The following SH3BGR variants were observed in gnomAD, a reference collection of about 807,000 sequenced individuals.
The protein encoded by SH3BGR is SH3 domain-binding glutamic acid-rich protein.
A neutral mutation model predicts 24.5 loss-of-function variants in SH3BGR; 29 were observed. That is an observed-to-expected ratio of 1.18 (90% CI 0.88 to 1.61). The LOEUF (loss-of-function observed/expected upper bound fraction) is 1.61, where lower values mean the gene tolerates loss of function less well. Ranked by LOEUF, SH3BGR falls within the 40% of genes most tolerant of loss-of-function variation. The pLI is 0.00. For missense variants in SH3BGR, 162 were observed against 205.8 expected (o/e 0.79, Z 1.30); for synonymous variants, 55 against 65.7 (o/e 0.84, Z 0.79).
At chr21:39,464,287 G>C (rs2077804217) in intron 2 of SH3BGR, among the ~76,000 whole-genome samples, 1 of 151,994 alleles carries the variant, frequency 6.6e-6, no homozygotes, top group Admixed American at 6.6e-5. Flanking sequence ...CAGCAGTGCA[G>C]TATCAGCTCA....
chr21:39,458,360 AC>A, intron 1 of SH3BGR, among the ~76,000 whole-genome samples: 2 of 152,142 alleles, frequency 1.3e-5, no homozygotes, highest in East Asian at 3.9e-4. Context: ...AAAATTTGAG[AC>A]AGAGTCTTGC....
At chr21:39,476,116 G>T (rs1015799329) in intron 3 of SH3BGR, among the ~76,000 whole-genome samples, 2 of 152,194 alleles carry the variant, frequency 1.3e-5, no homozygotes, top group African/African-American at 2.4e-5. Flanking sequence ...AGACCAGAGT[G>T]GGGGTGGAGG....
In SH3BGR at chr21:39,515,164, G is replaced by A. The variant is rs767014097; in HGVS notation, c.*111G>A. The A allele has an allele frequency of 3.2e-5, 15 of 468,508 alleles. No individual in the cohort carries two copies. The highest frequency in any genetic ancestry group is 2.1e-4 in the East Asian group (3 of 14,328). The allele number at this position is 468,508 out of a possible 1,614,324, so 29.0% of individuals were successfully genotyped here. On this transcript the variant is annotated 3_prime_UTR_variant, in exon 7 of 7. Coordinates refer to ENST00000333634, the MANE Select transcript of SH3BGR (RefSeq NM_007341.3). The stretch of plus-strand genomic sequence containing the variant: ...CAACAGAATACTTTGGCTTGAAGCC[G>A]GCACACCCAGGGTTACTGAGGACTT...
intron 3 of SH3BGR, among the ~76,000 whole-genome samples, chr21:39,479,213 G>A (rs1602114366): frequency 1.3e-5 from 2 of 151,852 alleles, no homozygotes; most frequent in East Asian, 1.9e-4. Flanking sequence ...TGGTGGTGGT[G>A]GAGGTGGTAA....
rs373330155 is a variant in SH3BGR, at chr21:39,481,280, C to T, written c.312+6065C>T. Among the ~76,000 whole-genome samples, 225 of 152,214 alleles carry T rather than the reference C, an allele frequency of 1.5e-3. 1 individual carries two copies. Among genetic ancestry groups the T allele is most frequent in the African/African-American group, 5.3e-3 (220 of 41,532 alleles). ...AGGCATTTGTGACCTGCCTGGGCAA[C>T]ATAGTGAGACCCTGTTCTCAAAAAC... On this transcript the variant is annotated intron_variant, in intron 3 of 6. Coordinates refer to ENST00000333634, the MANE Select transcript of SH3BGR (RefSeq NM_007341.3).
chr21:39,462,057 C>T (rs528415325), intron 1 of SH3BGR, among the ~76,000 whole-genome samples: 1 of 152,088 alleles, frequency 6.6e-6, no homozygotes, highest in African/African-American at 2.4e-5. Flanking sequence ...CCACGTTGGT[C>T]AAGCTGGTGT....
chr21:39,448,667 A>G (rs2077538763), upstream of SH3BGR, among the ~76,000 whole-genome samples: 4 of 152,182 alleles, frequency 2.6e-5, no homozygotes, highest in Admixed American at 2.6e-4. Flanking sequence ...CTGGTGACAG[A>G]AACAAACAAA....
chr21:39,487,183 C>T (rs931680349), intron 3 of SH3BGR, among the ~76,000 whole-genome samples: 4 of 152,144 alleles, frequency 2.6e-5, no homozygotes, highest in Non-Finnish European at 4.4e-5. Flanking sequence ...TGCTCTGTCT[C>T]CCAGGCTGGA....
At chr21:39,464,515 G>A (rs7277633) in intron 2 of SH3BGR, among the ~76,000 whole-genome samples, 78,132 of 151,958 alleles carry the variant, frequency 0.51, 20,491 homozygotes, top group East Asian at 0.67. Context: ...AAGCCACCGC[G>A]CCCGGCCCAA....
chr21:39,455,770 A>G (rs1372586205), intron 1 of SH3BGR, among the ~76,000 whole-genome samples: 4 of 152,220 alleles, frequency 2.6e-5, no homozygotes, highest in Non-Finnish European at 5.9e-5. Flanking sequence ...CTCCCAGCCC[A>G]GGCAGAACTC....
intron 1 of SH3BGR, among the ~76,000 whole-genome samples, chr21:39,461,468 C>T (rs2077754501): frequency 6.6e-6 from 1 of 152,000 alleles, no homozygotes; most frequent in Admixed American, 6.6e-5. Flanking sequence ...TTTGTGATTC[C>T]AGAATCTGGC....
chr21:39,494,987 T>C (rs1395699080), intron 3 of SH3BGR, among the ~76,000 whole-genome samples: 1 of 152,154 alleles, frequency 6.6e-6, no homozygotes, highest in African/African-American at 2.4e-5. Flanking sequence ...CTGCATCCAG[T>C]CTAGTAATTT....
At chr21:39,476,594 C>T (rs957869278) in intron 3 of SH3BGR, among the ~76,000 whole-genome samples, 9 of 152,166 alleles carry the variant, frequency 5.9e-5, no homozygotes, top group African/African-American at 1.9e-4. Flanking sequence ...TGCTTGCTGC[C>T]GGTTCCCTAG....
chr21:39,452,749 A>C (rs937457134), intron 1 of SH3BGR, among the ~76,000 whole-genome samples: 5 of 152,218 alleles, frequency 3.3e-5, no homozygotes, highest in African/African-American at 1.2e-4. Context: ...GCCGACCTTC[A>C]TAACCAGTGC....
chr21:39,499,112 C>T (rs1183140466), intron 3 of SH3BGR, among the ~76,000 whole-genome samples: 4 of 152,134 alleles, frequency 2.6e-5, no homozygotes, highest in South Asian at 2.1e-4. Context: ...TGGAGGAAAC[C>T]ACCCCATGAT....
At chr21:39,474,916 G>A (rs1180154219) in intron 2 of SH3BGR, among the ~76,000 whole-genome samples, 2 of 151,916 alleles carry the variant, frequency 1.3e-5, no homozygotes, top group African/African-American at 4.8e-5. Flanking sequence ...TGCTCTTGCT[G>A]TGGTATACAA....
chr21:39,451,925 T>C (rs750077228), upstream of SH3BGR: 2 of 1,614,086 alleles, frequency 1.2e-6, no homozygotes, highest in Middle Eastern at 1.6e-4. Context: ...TGCTGCTCCT[T>C]GGAGAGACAG....
At chr21:39,490,618 T>A (rs967886260) in intron 3 of SH3BGR, among the ~76,000 whole-genome samples, 3 of 152,232 alleles carry the variant, frequency 2.0e-5, no homozygotes, top group Non-Finnish European at 2.9e-5. Context: ...ATAAAGCTAC[T>A]CTAGATTTCT....
intron 3 of SH3BGR, among the ~76,000 whole-genome samples, chr21:39,497,068 T>C (rs2078408683): frequency 6.6e-6 from 1 of 151,832 alleles, no homozygotes; most frequent in African/African-American, 2.4e-5. Context: ...AAATATGTCC[T>C]CTAAGCTACA....
Sources: gnomAD v4.1 joint callset for allele counts (sites outside exome capture counted in the v4.1 genomes callset) on GRCh38, gnomAD v4.1.1 for gene constraint, MANE v1.5 for transcripts, NCBI Gene and HGNC (gene_info 2026-07-23, HGNC 2026-07-21) for gene names.